COL23A1: variants seen among roughly 807,000 people sequenced by gnomAD.
COL23A1 encodes collagen type XXIII alpha 1 chain.
A neutral mutation model predicts 99.3 loss-of-function variants in COL23A1; 97 were observed. The observed-to-expected ratio is 0.98, with a 90% CI of 0.83 to 1.16. The LOEUF (loss-of-function observed/expected upper bound fraction) is 1.16. COL23A1 is among the 50% of genes most tolerant of loss of function. The pLI is 0.00. For synonymous variants in COL23A1, 320 were observed against 308.2 expected (o/e 1.04, Z -0.40); for missense variants, 762 against 757.4 (o/e 1.01, Z -0.07).
intron 1 of COL23A1, among the ~76,000 whole-genome samples, chr5:178,578,294 G>GCA (rs1363948890): frequency 3.9e-5 from 6 of 152,000 alleles, no homozygotes; most frequent in Non-Finnish European, 8.8e-5. Context: ...CATTCTCCTG[G>GCA]CACACACATA....
At chr5:178,388,924 C>T (rs1339861768) in intron 2 of COL23A1, among the ~76,000 whole-genome samples, 2 of 152,170 alleles carry the variant, frequency 1.3e-5, no homozygotes, top group South Asian at 2.1e-4. Flanking sequence ...GGGGATTATA[C>T]GATAAGATTT....
chr5:178,315,503 G>A (rs1185448386), intron 2 of COL23A1, among the ~76,000 whole-genome samples: 4 of 152,356 alleles, frequency 2.6e-5, no homozygotes, highest in East Asian at 1.9e-4. Flanking sequence ...AGGCCAGGGC[G>A]TTTGCCTGCA....
chr5:178,529,351 G>T (rs560180488), intron 2 of COL23A1, among the ~76,000 whole-genome samples: 1 of 152,096 alleles, frequency 6.6e-6, no homozygotes, highest in East Asian at 1.9e-4. Context: ...GGAGGGAACT[G>T]CACGTGGCGT....
intron 2 of COL23A1, among the ~76,000 whole-genome samples, chr5:178,524,102 C>A (rs2113113449): frequency 6.6e-6 from 1 of 152,264 alleles, no homozygotes; most frequent in Middle Eastern, 3.4e-3. Flanking sequence ...CTGGGTCACG[C>A]TAGCTTAAAT....
chr5:178,295,656 T>C (rs1757699673), intron 3 of COL23A1, among the ~76,000 whole-genome samples: 1 of 152,212 alleles, frequency 6.6e-6, no homozygotes. Context: ...AACACATATG[T>C]AAAAGGATGT....
chr5:178,585,610 A>G (rs1285379171), intron 1 of COL23A1, among the ~76,000 whole-genome samples: 54 of 142,872 alleles, frequency 3.8e-4, no homozygotes, highest in African/African-American at 1.4e-3. Context: ...AACACTCCAC[A>G]GCCCTGGATG....
At chr5:178,251,925 T>TTTTTTTTTTTC (rs1554125608) in intron 17 of COL23A1, among the ~76,000 whole-genome samples, 1 of 142,794 alleles carries the variant, frequency 7.0e-6, no homozygotes, top group African/African-American at 2.5e-5. Context: ...TTTTTTTTTT[T>TTTTTTTTTTTC]ATTTTGAGAC....
At position 178,468,149 on chromosome 5, in the gene COL23A1, G is replaced by A. The variant is rs575333319; in HGVS notation, c.361+92533C>T. ...ATCTGAGTGCCAGAAAGAGAGCGCC[G>A]GCTTTGGGGTGTGCTTGTGTGTTCA... On this transcript the variant is annotated intron_variant, in intron 2 of 28. Coordinates refer to ENST00000390654, the MANE Select transcript of COL23A1 (RefSeq NM_173465.4). The surrounding 1 kb of genome is among the most constrained non-coding windows in gnomAD (Gnocchi z 4.2). Among the ~76,000 whole-genome samples the A allele has an allele frequency of 4.6e-5, 7 of 152,270 alleles. No individual in the cohort carries two copies. Among genetic ancestry groups the A allele is most frequent in the Admixed American group, 3.9e-4 (6 of 15,302 alleles).
intron 14 of COL23A1, 125 bp downstream of exon 14, chr5:178,256,741 C>T: frequency 1.1e-6 from 1 of 933,696 alleles, no homozygotes; most frequent in Admixed American, 2.6e-5. Context: ...TGAGGGAGAC[C>T]CCTGGGTCAG....
chr5:178,398,381 C>T (rs1473605596), intron 2 of COL23A1, among the ~76,000 whole-genome samples: 1 of 152,226 alleles, frequency 6.6e-6, no homozygotes, highest in Non-Finnish European at 1.5e-5. Flanking sequence ...AATCCCAGCA[C>T]TTTGAGAGGC....
At chr5:178,283,676 A>C (rs1410798367) in intron 5 of COL23A1, among the ~76,000 whole-genome samples, 1 of 152,242 alleles carries the variant, frequency 6.6e-6, no homozygotes, top group East Asian at 1.9e-4. Context: ...AAAGAAGAGG[A>C]AAAGCAAACA....
rs867711273 is a variant in COL23A1 at position 178,387,378 on chromosome 5, G to C, written c.362-80459C>G. ...TCACAAGTCTCTAAGACACTGCTGG[G>C]TCAAGCCTCAGTGCGTTTGCCCAGG... On this transcript the variant is annotated intron_variant, in intron 2 of 28. Coordinates refer to ENST00000390654, the MANE Select transcript of COL23A1 (RefSeq NM_173465.4). This position sits in a 1 kb window ranked among gnomAD's most constrained non-coding sequence, Gnocchi z 4.7. Among the ~76,000 whole-genome samples, 2 of 152,296 alleles carry C rather than the reference G, an allele frequency of 1.3e-5. No homozygotes were observed. The highest frequency in any genetic ancestry group is 4.8e-5 in the African/African-American group (2 of 41,560).
chr5:178,292,130 T>C (rs886787702), intron 3 of COL23A1, among the ~76,000 whole-genome samples: 1 of 152,070 alleles, frequency 6.6e-6, no homozygotes, highest in African/African-American at 2.4e-5. Flanking sequence ...CCCCCGTGCC[T>C]GCGCCTGCAT....
chr5:178,505,227 GGT>G (rs1205121972), intron 2 of COL23A1, among the ~76,000 whole-genome samples: 1 of 151,376 alleles, frequency 6.6e-6, no homozygotes, highest in Non-Finnish European at 1.5e-5. Context: ...ATTCTCCCAG[GGT>G]GTGTGTGTGT....
intron 25 of COL23A1, 32 bp downstream of exon 25, chr5:178,245,910 C>G (rs776119379): frequency 6.2e-7 from 1 of 1,613,264 alleles, no homozygotes; most frequent in African/African-American, 1.3e-5. Context: ...CAAGAGGCAC[C>G]CAATTACTCA....
In COL23A1 at chr5:178,421,457, A is replaced by G. The variant is rs990964953; in HGVS notation, c.362-114538T>C. On this transcript the variant is annotated intron_variant, in intron 2 of 28. Transcript: ENST00000390654. ...TTTGGTAATGGATTAAAGTCTCAGCACAAGATAAGCATGCTACCCACTCCA... is the reference window on the plus strand; with the variant it reads ...TTTGGTAATGGATTAAAGTCTCAGCGCAAGATAAGCATGCTACCCACTCCA... Among the ~76,000 whole-genome samples the G allele has an allele frequency of 3.2e-4, 48 of 151,696 alleles. 2 individuals are homozygous for G. Among genetic ancestry groups the G allele is most frequent in the Non-Finnish European group, 1.5e-5 (1 of 67,898 alleles).
At position 178,358,433 on chromosome 5, in the gene COL23A1, ATG is replaced by A. The variant is rs1179778347; in HGVS notation, c.362-51516_362-51515del. On this transcript the variant is annotated intron_variant, in intron 2 of 28. Coordinates refer to ENST00000390654, the MANE Select transcript of COL23A1 (RefSeq NM_173465.4). Reference sequence around the variant, plus strand: ...TGTATGTGTATGTGTGTGTATGTGTATGTGTGTATGTGTGTATATGTATGCGT... The same window carrying A: ...TGTATGTGTATGTGTGTGTATGTGTATGTGTATGTGTGTATATGTATGCGT... Among the ~76,000 whole-genome samples the A allele has an allele frequency of 3.9e-3, 515 of 133,712 alleles. 5 individuals are homozygous for A. The highest frequency in any genetic ancestry group is 0.013 in the African/African-American group (462 of 34,672). The allele number at this position is 133,712 out of a possible 152,430, so 87.7% of individuals were successfully genotyped here.
At chr5:178,460,905 C>A (rs1455185100) in intron 2 of COL23A1, among the ~76,000 whole-genome samples, 4 of 152,198 alleles carry the variant, frequency 2.6e-5, no homozygotes, top group Non-Finnish European at 4.4e-5. Context: ...TGCCCCTTCC[C>A]CTATTCTATA....
chr5:178,546,029 C>T (rs766009209), intron 2 of COL23A1, among the ~76,000 whole-genome samples: 2 of 152,080 alleles, frequency 1.3e-5, no homozygotes, highest in African/African-American at 4.8e-5. Context: ...CCCTCCTCCA[C>T]GAGGCACCCT....
Sources: gnomAD v4.1 joint callset for allele counts (sites outside exome capture counted in the v4.1 genomes callset) on GRCh38, gnomAD v4.1.1 for gene constraint, Gnocchi (gnomAD v3.1) non-coding constraint, MANE v1.5 for transcripts, NCBI Gene and HGNC (gene_info 2026-07-23, HGNC 2026-07-21) for gene names.